The following HDX variants were observed in gnomAD, a reference collection of about 807,000 sequenced individuals.
HDX encodes chromosome X open reading frame 43.
A neutral mutation model predicts 45.2 loss-of-function variants in HDX; 19 were observed. The observed-to-expected ratio is 0.42, with a 90% CI of 0.29 to 0.62. The LOEUF (loss-of-function observed/expected upper bound fraction) is 0.62. Ranked by LOEUF, HDX falls within the 20% of genes least tolerant of loss-of-function variation. The probability of loss-of-function intolerance (pLI) is 0.20; values close to 1 mark genes in which losing one functional copy is unlikely to be tolerated. For missense variants in HDX, 532 were observed against 493.9 expected, an observed-to-expected ratio of 1.08 and a Z score of -0.73; for synonymous variants, 188 against 172.8, an observed-to-expected ratio of 1.09 and a Z score of -0.69.
At chrX:84,412,455 A>AT (rs988123776) in intron 5 of HDX, among the ~76,000 whole-genome samples, 17 of 111,101 alleles carry the variant, frequency 1.5e-4, no homozygotes, top group African/African-American at 4.2e-4. Context: ...CTTGGTTGGA[A>AT]TTTTTTTTAA....
At chrX:84,390,541 C>G (rs1361488882) in intron 5 of HDX, among the ~76,000 whole-genome samples, 1 of 111,465 alleles carries the variant, frequency 9.0e-6, no homozygotes, top group East Asian at 2.8e-4. Flanking sequence ...TTTAAGAGCA[C>G]GATTATAACA....
chrX:84,459,366 C>G (rs933695873), intron 4 of HDX, among the ~76,000 whole-genome samples: 42 of 109,093 alleles, frequency 3.8e-4, no homozygotes, highest in African/African-American at 1.4e-3. Context: ...GGCGTGAACC[C>G]GGGAGGCAGA....
chrX:84,389,370 A>C (rs1021496418), intron 5 of HDX, among the ~76,000 whole-genome samples: 1 of 111,656 alleles, frequency 9.0e-6, no homozygotes, highest in African/African-American at 3.3e-5. Context: ...TGGCAGAGGA[A>C]GGCACACCCT....
At chrX:84,357,500 A>G (rs975395607) in intron 6 of HDX, among the ~76,000 whole-genome samples, 1 of 112,251 alleles carries the variant, frequency 8.9e-6, no homozygotes, top group Non-Finnish European at 1.9e-5. Flanking sequence ...AAATGTGTAA[A>G]GCATTTACAT....
Position 84,469,392 on chromosome X carries a change from A to C in HDX, c.331T>G (p.Tyr111Asp). ...CTACTTGATGAACTGGCTGGACTGT[A>C]TATACCAGTTACAATGACATCATTA... ...ANNDVIVTGI[Y>D]SPASSSSRQG... Residue 111 changes from tyrosine (Y) to aspartate (D), a missense_variant, in exon 4 of 11, where the codon TAC (tyrosine) becomes GAC (aspartate). Tyr to Asp is a radical substitution (Grantham distance 160). This residue lies in a region of HDX where 376 missense variants were observed against 343.7 expected (regional missense o/e 1.09). Transcript: ENST00000373177. The C allele has an allele frequency of 8.3e-7, 1 of 1,209,216 alleles. No individual in the cohort carries two copies. The highest frequency in any genetic ancestry group is 1.8e-5 in the South Asian group (1 of 56,882).
intron 4 of HDX, among the ~76,000 whole-genome samples, chrX:84,447,602 A>G (rs970479): frequency 0.48 from 51,950 of 109,194 alleles, 9,317 homozygotes; most frequent in African/African-American, 0.62. Flanking sequence ...CCACACACCA[A>G]GTCCTAAACA....
At chrX:84,428,070 C>A (rs1168725881) in intron 5 of HDX, among the ~76,000 whole-genome samples, 2 of 110,424 alleles carry the variant, frequency 1.8e-5, no homozygotes, top group African/African-American at 6.5e-5. Context: ...TGCTTATTTG[C>A]CATCTCTATA....
At chrX:84,396,301 C>T (rs1432783672) in intron 5 of HDX, among the ~76,000 whole-genome samples, 1 of 112,220 alleles carries the variant, frequency 8.9e-6, no homozygotes, top group Non-Finnish European at 1.9e-5. Context: ...AGAATACTCG[C>T]TGTATGATTT....
chrX:84,442,617 G>A (rs911614092), intron 4 of HDX, among the ~76,000 whole-genome samples: 3 of 110,862 alleles, frequency 2.7e-5, no homozygotes, highest in African/African-American at 6.5e-5. Context: ...TATTCAAAAT[G>A]TATTTTTTCT....
rs185125329 is a variant in HDX at position 84,360,423 on chromosome X, T to A, written c.1452+1043A>T. Among the ~76,000 whole-genome samples the A allele has an allele frequency of 3.4e-4, 38 of 112,193 alleles. No individual in the cohort carries two copies. The East Asian group carries it at 9.2e-3, about 27-fold the overall frequency. The stretch of plus-strand genomic sequence containing the variant: ...TTTTAAACAATGTTATTGAGATATA[T>A]TTAAAACACCACACAATTCATTTAT... On this transcript the variant is annotated intron_variant, in intron 6 of 10. Coordinates refer to ENST00000373177, the MANE Select transcript of HDX (RefSeq NM_001177479.2).
chrX:84,402,999 C>A (rs2038740516), intron 5 of HDX, among the ~76,000 whole-genome samples: 1 of 111,225 alleles, frequency 9.0e-6, no homozygotes, highest in South Asian at 3.7e-4. Context: ...ATGTTAATAG[C>A]TTTAATTATA....
intron 5 of HDX, among the ~76,000 whole-genome samples, chrX:84,418,466 C>T (rs2039166839): frequency 9.0e-6 from 1 of 111,381 alleles, no homozygotes; most frequent in African/African-American, 3.3e-5. Flanking sequence ...ACAAAAGTAA[C>T]TGTGGTCTTT....
chrX:84,436,442 GT>G, intron 5 of HDX, among the ~76,000 whole-genome samples: 1 of 111,433 alleles, frequency 9.0e-6, no homozygotes, highest in Middle Eastern at 4.6e-3. Flanking sequence ...TTTTTTTCTA[GT>G]TTTTGATGTA....
At chrX:84,426,105 C>G (rs1454223247) in intron 5 of HDX, among the ~76,000 whole-genome samples, 1 of 110,040 alleles carries the variant, frequency 9.1e-6, no homozygotes, top group African/African-American at 3.3e-5. Flanking sequence ...TATGCACCAA[C>G]AAAAATTAAA....
chrX:84,482,098 TTC>T (rs1175330369), intron 2 of HDX, among the ~76,000 whole-genome samples: 1 of 112,227 alleles, frequency 8.9e-6, no homozygotes, highest in African/African-American at 3.2e-5. Flanking sequence ...GTACCACATT[TTC>T]TTTGTCTAAT....
chrX:84,380,411 C>T (rs769439622), intron 5 of HDX, among the ~76,000 whole-genome samples: 2 of 109,228 alleles, frequency 1.8e-5, no homozygotes, highest in African/African-American at 6.6e-5. Flanking sequence ...GATAAAGACA[C>T]CTCAAAAAAA....
At chrX:84,454,711 C>T (rs892123248) in intron 4 of HDX, among the ~76,000 whole-genome samples, 1 of 110,994 alleles carries the variant, frequency 9.0e-6, no homozygotes, top group South Asian at 3.9e-4. Flanking sequence ...AGCCTTAAGA[C>T]CTTCAGCAAG....
At chrX:84,419,237 T>A (rs1463550159) in intron 5 of HDX, among the ~76,000 whole-genome samples, 1 of 110,061 alleles carries the variant, frequency 9.1e-6, no homozygotes, top group South Asian at 4.0e-4. Flanking sequence ...GTTCTTGGGG[T>A]CCATGATTCC....
chrX:84,447,055 T>A (rs146940788), intron 4 of HDX, among the ~76,000 whole-genome samples: 1,509 of 111,760 alleles, frequency 0.014, 22 homozygotes, highest in African/African-American at 0.041. Flanking sequence ...ACAAAGCTCA[T>A]GAAAACCTCA....
Sources: gnomAD v4.1 joint callset for allele counts (sites outside exome capture counted in the v4.1 genomes callset) on GRCh38, gnomAD v4.1.1 for gene constraint, gnomAD v4.1.1 regional missense constraint, MANE v1.5 for transcripts, NCBI Gene and HGNC (gene_info 2026-07-23, HGNC 2026-07-21) for gene names.